Variants in MEIOB observed in about 807,000 individuals in gnomAD.
MEIOB encodes meiosis-specific with OB domain-containing protein.
A neutral mutation model predicts 53.1 loss-of-function variants in MEIOB; 50 were observed. The ratio of observed to expected loss-of-function variants is 0.94; its 90% CI spans 0.75 to 1.19. The LOEUF (loss-of-function observed/expected upper bound fraction) is 1.19, where lower values mean the gene tolerates loss of function less well. Among genes scored for constraint, MEIOB ranks in the 50% most tolerant of loss-of-function variants. The probability of loss-of-function intolerance (pLI) is 0.00; values close to 1 mark genes in which losing one functional copy is unlikely to be tolerated. For synonymous variants in MEIOB, 192 were observed against 182.5 expected (o/e 1.05, Z -0.42); for missense variants, 551 against 550.8 (o/e 1.00, Z 0.00).
In MEIOB at chr16:1,857,827, C is replaced by T. The variant is rs752389700; in HGVS notation, c.436G>A (p.Glu146Lys). The T allele has an allele frequency of 4.5e-6, 7 of 1,551,550 alleles. No homozygotes were observed. In the South Asian group the frequency reaches 7.1e-5, roughly 16 times the overall value. ...LLSLIHLPVK[E>K]SHDYYSLGDI... ...CCCAGTGAATAATAATCATGAGACT[C>T]TTTAACAGGTAAATGTATCAAAGAA... Residue 146 changes from glutamate to lysine, a missense_variant, in exon 6 of 14, where the codon GAG (glutamate) becomes AAG (lysine). Transcript: ENST00000325962.
intron 12 of MEIOB, 72 bp from the exon 13 acceptor site, chr16:1,837,942 G>A: frequency 6.9e-7 from 1 of 1,452,042 alleles, no homozygotes; most frequent in Non-Finnish European, 9.1e-7. Context: ...ACAACAGTGT[G>A]AAACAAACTT....
At chr16:1,862,778 C>T (rs766409840) in intron 3 of MEIOB, among the ~76,000 whole-genome samples, 8 of 152,074 alleles carry the variant, frequency 5.3e-5, no homozygotes, top group South Asian at 2.1e-4. Context: ...CTTAGCCAGG[C>T]GTGGTGGTGG....
intron 3 of MEIOB, among the ~76,000 whole-genome samples, 156 bp from the exon 4 acceptor site, chr16:1,862,272 A>C (rs943350885): frequency 6.6e-6 from 1 of 152,202 alleles, no homozygotes; most frequent in Non-Finnish European, 1.5e-5. Flanking sequence ...AAAATACTCA[A>C]ATACATAGTA....
chr16:1,845,232 A>G (rs1310758407), intron 9 of MEIOB, among the ~76,000 whole-genome samples: 2 of 152,226 alleles, frequency 1.3e-5, no homozygotes, highest in Non-Finnish European at 2.9e-5. Context: ...ATCTACATAT[A>G]TAAGGGACCG....
At chr16:1,843,006 AT>A (rs1898951271) in intron 10 of MEIOB, among the ~76,000 whole-genome samples, 4 of 482 alleles carry the variant, frequency 8.3e-3, no homozygotes, top group African/African-American at 0.03. Flanking sequence ...TTAAAAGTAC[AT>A]CACACAGCCA....
In MEIOB at chr16:1,866,957, C is replaced by G. The variant is rs1049227694; in HGVS notation, c.70-1122G>C. Among the ~76,000 whole-genome samples, 140 of 152,198 alleles carry G rather than the reference C, an allele frequency of 9.2e-4. 1 individual carries two copies. The highest frequency in any genetic ancestry group is 3.3e-3 in the African/African-American group (136 of 41,534). ...TCTTCAATTCCTTATACTTGCAGATCTCACTGAATTTTGTTGGAAAATCCA... is the reference window on the plus strand; with the variant it reads ...TCTTCAATTCCTTATACTTGCAGATGTCACTGAATTTTGTTGGAAAATCCA... On this transcript the variant is annotated intron_variant, in intron 2 of 13. Transcript: ENST00000325962.
chr16:1,860,549 C>A, intron 4 of MEIOB, 74 bp from the exon 5 acceptor site: 5 of 839,316 alleles, frequency 6.0e-6, no homozygotes, highest in Admixed American at 2.3e-5. Context: ...AAATAACATC[C>A]TGTTTAATTT....
rs772944573 is a variant in MEIOB, at chr16:1,868,203, A to C, written c.-9-19T>G. ...TTTTAATCTGCATTTTAGAAAATATAATTTAGATATATAAATTGAATAAAT... is the reference window on the plus strand; with the variant it reads ...TTTTAATCTGCATTTTAGAAAATATCATTTAGATATATAAATTGAATAAAT... On this transcript the variant is annotated intron_variant, in intron 1 of 13. Coordinates refer to ENST00000325962, the MANE Select transcript of MEIOB (RefSeq NM_001163560.3). 2.0e-5 allele frequency: 25 copies of C among 1,260,148 alleles called. No homozygotes were observed. The highest frequency in any genetic ancestry group is 2.7e-5 in the Non-Finnish European group (24 of 893,696). The allele number at this position is 1,260,148 out of a possible 1,614,324, so 78.1% of individuals were successfully genotyped here. A position where few individuals can be genotyped will look rare whatever the true frequency, so the allele number is the denominator to read the frequency against.
chr16:1,842,036 C>T (rs898764951), intron 10 of MEIOB, 63 bp from the exon 11 acceptor site: 31 of 1,162,094 alleles, frequency 2.7e-5, no homozygotes, highest in African/African-American at 4.8e-5. Context: ...AGGTTACATC[C>T]GAATGGAAAG....
intron 1 of MEIOB, among the ~76,000 whole-genome samples, chr16:1,871,242 CAG>C (rs955532105): frequency 2.0e-4 from 25 of 124,190 alleles, no homozygotes; most frequent in African/African-American, 3.9e-4. Context: ...TTTTTTGAGA[CAG>C]AGTCTTGCTC....
intron 9 of MEIOB, among the ~76,000 whole-genome samples, chr16:1,852,312 G>A (rs1481111656): frequency 7.0e-6 from 1 of 143,286 alleles, no homozygotes; most frequent in African/African-American, 2.6e-5. Context: ...CGCCAGGCTG[G>A]AGCGCAGTGG....
chr16:1,847,303 A>G (rs538494029), intron 9 of MEIOB, among the ~76,000 whole-genome samples: 2 of 151,982 alleles, frequency 1.3e-5, no homozygotes, highest in African/African-American at 4.8e-5. Flanking sequence ...CTCTACTAAA[A>G]ATGTAAAAAT....
chr16:1,857,557 G>A (rs10500323), intron 6 of MEIOB, among the ~76,000 whole-genome samples, 178 bp downstream of exon 6: 19,051 of 152,168 alleles, frequency 0.13, 1,213 homozygotes, highest in East Asian at 0.16. Context: ...CTCATCCACA[G>A]ATAAAAAGCT....
chr16:1,871,739 C>A (rs1325193029), intron 1 of MEIOB, among the ~76,000 whole-genome samples: 2 of 146,082 alleles, frequency 1.4e-5, no homozygotes, highest in African/African-American at 5.1e-5. Flanking sequence ...GTGGGCAGAT[C>A]GCGAGGTCAG....
At chr16:1,836,250 G>A (rs1235520181) in intron 13 of MEIOB, among the ~76,000 whole-genome samples, 4 of 152,132 alleles carry the variant, frequency 2.6e-5, no homozygotes, top group South Asian at 2.1e-4. Flanking sequence ...CCTAATGCAC[G>A]AAGCAGCTTG....
At chr16:1,860,538 T>A in intron 4 of MEIOB, 63 bp from the exon 5 acceptor site, 3 of 893,400 alleles carry the variant, frequency 3.4e-6, no homozygotes, top group Non-Finnish European at 5.3e-6. Flanking sequence ...ACTAACATCC[T>A]AAATAACATC....
intron 9 of MEIOB, among the ~76,000 whole-genome samples, chr16:1,852,336 C>T (rs1297896803): frequency 6.8e-6 from 1 of 146,992 alleles, no homozygotes; most frequent in South Asian, 2.2e-4. Flanking sequence ...AATCTCGGCT[C>T]ACTGCAACCT....
chr16:1,837,718 T>C, intron 13 of MEIOB, 66 bp downstream of exon 13: 17 of 830,278 alleles, frequency 2.0e-5, no homozygotes, highest in Non-Finnish European at 3.1e-5. Context: ...TCTAGGTTTT[T>C]CTTATGGTTT....
chr16:1,856,969 GC>G (rs5815102), intron 6 of MEIOB, among the ~76,000 whole-genome samples: 125,422 of 151,844 alleles, frequency 0.83, 51,909 homozygotes, highest in Middle Eastern at 0.9. Flanking sequence ...TCACCATGTT[GC>G]CCCAGGCTGG....
Sources: gnomAD v4.1 joint callset for allele counts (sites outside exome capture counted in the v4.1 genomes callset) on GRCh38, gnomAD v4.1.1 for gene constraint, MANE v1.5 for transcripts, NCBI Gene and HGNC (gene_info 2026-07-23, HGNC 2026-07-21) for gene names.